Variants in VCAN observed in about 807,000 individuals in gnomAD.
VCAN encodes the protein versican core protein.
Under a neutral mutation model 245.5 loss-of-function variants are expected in VCAN, and 44 were observed. The observed-to-expected ratio is 0.18, with a 90% confidence interval of 0.14 to 0.23. The LOEUF (loss-of-function observed/expected upper bound fraction) is 0.23, where lower values mean the gene tolerates loss of function less well. Among genes scored for constraint, VCAN ranks in the 10% least tolerant of loss-of-function variants. The pLI is 1.00. For missense variants in VCAN, 3,793 were observed against 4,057.9 expected (o/e 0.93, Z 1.77); for synonymous variants, 1,413 against 1,437.0 (o/e 0.98, Z 0.38).
chr5:83,541,969 G>C lies in VCAN; in HGVS notation c.8966G>C (p.Gly2989Ala). ...SASATYGVEAGVVPWLSPQTS... is the reference protein window; with the variant it reads ...SASATYGVEAAVVPWLSPQTS... The stretch of plus-strand genomic sequence containing the variant: ...TCTGCCACCTATGGGGTCGAGGCAG[G>C]TGTGGTGCCTTGGCTAAGTCCACAG... The change falls in exon 8 of 15, where the codon GGT becomes GCT. Residue 2989 changes from glycine to alanine, a missense_variant. By Grantham distance (60) the Gly-to-Ala change is moderately conservative. Coordinates refer to ENST00000265077, the MANE Select transcript of VCAN (RefSeq NM_004385.5). 6.2e-7 allele frequency: 1 copy of C among 1,613,874 alleles called. No individual in the cohort carries two copies. Among genetic ancestry groups the C allele is most frequent in the East Asian group, 2.2e-5 (1 of 44,842 alleles).
In VCAN at chr5:83,540,730, C is replaced by T; in HGVS notation, c.7727C>T (p.Thr2576Ile). 6.2e-7 allele frequency: 1 copy of T among 1,613,920 alleles called. No homozygotes were observed. The highest frequency in any genetic ancestry group is 8.5e-7 in the Non-Finnish European group (1 of 1,179,952). ...ILPELTSDKN[T>I]IIDIDHTKPV... ...CCTGAGCTGACATCGGATAAAAATA[C>T]TATCATAGATATTGATCATACTAAA... The change falls in exon 8 of 15, where the codon ACT becomes ATT. Residue 2576 changes from threonine to isoleucine, a missense_variant. Physicochemically the swap from Thr to Ile is moderately conservative, Grantham distance 89. Coordinates refer to ENST00000265077, the MANE Select transcript of VCAN (RefSeq NM_004385.5).
chr5:83,481,166 A>G (rs1744598715), intron 1 of VCAN, among the ~76,000 whole-genome samples: 1 of 151,916 alleles, frequency 6.6e-6, no homozygotes, highest in South Asian at 2.1e-4. Context: ...AGAAAAATAA[A>G]AAATAGAGAA....
intron 3 of VCAN, 80 bp downstream of exon 3, chr5:83,490,552 A>T: frequency 6.3e-7 from 1 of 1,592,794 alleles, no homozygotes; most frequent in South Asian, 1.1e-5. Flanking sequence ...ACTCAGAAGT[A>T]ACTGTTGTTT....
At chr5:83,570,275 C>G (rs1238446682) in intron 12 of VCAN, among the ~76,000 whole-genome samples, 2 of 151,274 alleles carry the variant, frequency 1.3e-5, no homozygotes, top group Non-Finnish European at 2.9e-5. Context: ...TGTATTTTGA[C>G]AAAAAAACAA....
Position 83,542,010 on chromosome 5 carries a change from A to G in VCAN, c.9007A>G (p.Thr3003Ala). ...AAGTCCACAGACTTCTGAGAGGCCC[A>G]CGCTTTCTTCTTCTCCAGAAATAAA... ...WLSPQTSERP[T>A]LSSSPEINPE... The change falls in exon 8 of 15, where the codon ACG becomes GCG. Residue 3003 changes from threonine to alanine, a missense_variant. By Grantham distance (58) the Thr-to-Ala change is moderately conservative. Coordinates refer to ENST00000265077, the MANE Select transcript of VCAN (RefSeq NM_004385.5). 6.2e-7 allele frequency: 1 copy of G among 1,610,822 alleles called. No homozygotes were observed. The highest frequency in any genetic ancestry group is 8.5e-7 in the Non-Finnish European group (1 of 1,177,678).
intron 1 of VCAN, among the ~76,000 whole-genome samples, chr5:83,477,284 T>C (rs1487515536): frequency 6.6e-6 from 1 of 152,216 alleles, no homozygotes; most frequent in African/African-American, 2.4e-5. Flanking sequence ...TAGTTTCTAC[T>C]GAATCTATAA....
At chr5:83,477,039 A>C (rs1467062565) in intron 1 of VCAN, among the ~76,000 whole-genome samples, 1 of 152,184 alleles carries the variant, frequency 6.6e-6, no homozygotes, top group Non-Finnish European at 1.5e-5. Flanking sequence ...TGGAATGAGC[A>C]CTAGACTTGG....
At chr5:83,564,277 C>T (rs1008515343) in intron 12 of VCAN, among the ~76,000 whole-genome samples, 2 of 151,828 alleles carry the variant, frequency 1.3e-5, no homozygotes, top group Non-Finnish European at 2.9e-5. Context: ...GTGGTGTAGC[C>T]GTTAATTCAT....
At chr5:83,566,618 G>A (rs546856106) in intron 12 of VCAN, among the ~76,000 whole-genome samples, 2 of 152,036 alleles carry the variant, frequency 1.3e-5, no homozygotes, top group South Asian at 4.2e-4. Context: ...GAATTAAGTT[G>A]GAGACTTTGC....
chr5:83,519,490 T>C lies in VCAN; in HGVS notation c.1184T>C (p.Phe395Ser), dbSNP rs769664143. Reference sequence around the variant, plus strand: ...GAATTACCTGTCATTCCAACAGAGTTCCCTCCCGTGGGAAATATTGTCAGT... The same window carrying C: ...GAATTACCTGTCATTCCAACAGAGTCCCCTCCCGTGGGAAATATTGTCAGT... ...VDELPVIPTE[F>S]PPVGNIVSFE... is the part of the protein sequence containing the mutation. Residue 395 changes from phenylalanine to serine, a missense_variant, in exon 7 of 15, where the codon TTC becomes TCC. By Grantham distance (155) the Phe-to-Ser change is radical. This residue lies in a region of VCAN where 3,182 missense variants were observed against 3,250.3 expected (regional missense o/e 0.98). Transcript: ENST00000265077. 2.7e-5 allele frequency: 43 copies of C among 1,613,974 alleles called. No individual in the cohort carries two copies. The highest frequency in any genetic ancestry group is 3.5e-5 in the Non-Finnish European group (41 of 1,179,974).
intron 3 of VCAN, among the ~76,000 whole-genome samples, chr5:83,492,024 A>AT (rs536075485): frequency 9.2e-4 from 136 of 147,826 alleles, no homozygotes; most frequent in African/African-American, 2.2e-3. Context: ...TTGGCGTTTG[A>AT]TTTTTTTTTT....
intron 11 of VCAN, among the ~76,000 whole-genome samples, chr5:83,554,141 A>G (rs1206239889): frequency 5.3e-5 from 8 of 152,238 alleles, no homozygotes; most frequent in Non-Finnish European, 1.0e-4. Flanking sequence ...ACTAGTTTTC[A>G]TGTAGCAATA....
chr5:83,488,111 T>C (rs934251783), intron 2 of VCAN, among the ~76,000 whole-genome samples: 1 of 152,174 alleles, frequency 6.6e-6, no homozygotes, highest in Non-Finnish European at 1.5e-5. Flanking sequence ...GAATATAAAT[T>C]TGGAGATTTT....
chr5:83,493,778 C>T, intron 4 of VCAN, 26 bp from the exon 5 acceptor site: 2 of 1,614,152 alleles, frequency 1.2e-6, no homozygotes, highest in Non-Finnish European at 1.7e-6. Flanking sequence ...AAGAAAGTGC[C>T]ACTAACTAGC....
chr5:83,543,728 T>C (rs1747091571), intron 8 of VCAN, among the ~76,000 whole-genome samples: 3 of 152,216 alleles, frequency 2.0e-5, no homozygotes, highest in Middle Eastern at 3.2e-3. Context: ...AGAGTTAAGT[T>C]TGATGAATGA....
chr5:83,483,163 C>T (rs1744669702), intron 1 of VCAN, among the ~76,000 whole-genome samples: 1 of 152,174 alleles, frequency 6.6e-6, no homozygotes, highest in African/African-American at 2.4e-5. Context: ...GTGCCAGCTC[C>T]TATCCACTAG....
intron 5 of VCAN, among the ~76,000 whole-genome samples, chr5:83,498,295 T>G (rs2112366568): frequency 6.6e-6 from 1 of 152,334 alleles, no homozygotes; most frequent in South Asian, 2.1e-4. Context: ...TTGCTTATAC[T>G]TCTTTCTCTC....
rs776906733 is a variant in VCAN at position 83,539,657 on chromosome 5, T to A, written c.6654T>A (p.Ala2218=). Residue 2218 remains alanine (A), a synonymous_variant, in exon 8 of 15, where the codon GCT becomes GCA. Coordinates refer to ENST00000265077, the MANE Select transcript of VCAN (RefSeq NM_004385.5). The part of the protein sequence containing the change: ...ATALVTESIP[A]EHVVTDSPIK... ...CATTAGTAACTGAATCTATACCAGC[T>A]GAACATGTAGTCACAGATTCACCAA... 24 of 1,613,822 alleles carry A rather than the reference T, an allele frequency of 1.5e-5. No individual in the cohort carries two copies. In the African/African-American group the frequency reaches 2.7e-4, roughly 18 times the overall value.
Position 83,512,169 on chromosome 5 carries a change from A to G in VCAN, c.815A>G (p.Asn272Ser). 1 of 1,614,084 alleles carries G rather than the reference A, an allele frequency of 6.2e-7. No individual in the cohort carries two copies. Among genetic ancestry groups the G allele is most frequent in the South Asian group, 1.1e-5 (1 of 91,068 alleles). ...TFEEAAKECE[N>S]QDARLATVGE... is the part of the protein sequence containing the mutation. Reference sequence around the variant, plus strand: ...GAGGAGGCTGCAAAAGAGTGTGAAAACCAGGATGCCAGGCTGGCAACAGTG... The same window carrying G: ...GAGGAGGCTGCAAAAGAGTGTGAAAGCCAGGATGCCAGGCTGGCAACAGTG... Residue 272 changes from asparagine to serine, a missense_variant, in exon 6 of 15, where the codon AAC becomes AGC. Around this residue, in one of 5 missense-constraint regions of VCAN, gnomAD observed 190 missense variants for 288.6 expected, o/e 0.66. Transcript: ENST00000265077.
Sources: allele counts gnomAD v4.1 joint callset (sites outside exome capture counted in the v4.1 genomes callset), GRCh38; gene constraint gnomAD v4.1.1; regional missense constraint gnomAD v4.1.1; transcripts MANE v1.5; gene names NCBI Gene and HGNC (gene_info 2026-07-23, HGNC 2026-07-21).